Variants in PRRC2A observed in about 807,000 individuals in gnomAD.
PRRC2A encodes protein PRRC2A.
A neutral mutation model predicts 224.6 loss-of-function variants in PRRC2A; 59 were observed. That is an observed-to-expected ratio of 0.26 (90% CI 0.21 to 0.33). PRRC2A has a LOEUF of 0.33. PRRC2A is among the 10% of genes least tolerant of loss of function. The pLI, the probability that PRRC2A is intolerant of heterozygous loss-of-function variation, is 1.00. For synonymous variants in PRRC2A, 1,194 were observed against 1,109.5 expected, an observed-to-expected ratio of 1.08 and a Z score of -1.51; for missense variants, 3,095 against 2,880.7, an observed-to-expected ratio of 1.07 and a Z score of -1.70.
At position 31,625,443 on chromosome 6, in the gene PRRC2A, C is replaced by T; in HGVS notation, c.608-17C>T. 2 of 1,604,678 alleles carry T rather than the reference C, an allele frequency of 1.2e-6. No individual in the cohort carries two copies. The highest frequency in any genetic ancestry group is 1.7e-4 in the Middle Eastern group (1 of 6,036). On this transcript the variant is annotated splice_polypyrimidine_tract_variant and intron_variant, in intron 6 of 30. Transcript: ENST00000376033. This position sits in a 1 kb window ranked among gnomAD's most constrained non-coding sequence, Gnocchi z 4.1. The stretch of plus-strand genomic sequence containing the variant: ...CTCCAATCATTGATACCTCTCTCTA[C>T]CTTTTCCAAAATACAGATTCTACAA...
rs772938081 is a variant in PRRC2A at position 31,634,468 on chromosome 6, C to G, written c.4850-4C>G. ...TCTCTTCTGGTTGGTGCTCCCTTCT[C>G]CAGCCACTAGCCGAAAGAGTTACCG... On this transcript the variant is annotated splice_region_variant and splice_polypyrimidine_tract_variant and intron_variant, in intron 19 of 30. Transcript: ENST00000376033. The G allele has an allele frequency of 3.7e-6, 6 of 1,612,814 alleles. No homozygotes were observed. Among genetic ancestry groups the G allele is most frequent in the African/African-American group, 1.3e-5 (1 of 74,912 alleles).
chr6:31,624,156 T>C, intron 3 of PRRC2A, 105 bp from the exon 4 acceptor site: 1 of 1,230,110 alleles, frequency 8.1e-7, no homozygotes, highest in Admixed American at 2.1e-5. Flanking sequence ...TCCTTATATT[T>C]GTAAATGGTA....
rs149438366 is a variant in PRRC2A at position 31,633,897 on chromosome 6, G to T, written c.4627G>T (p.Val1543Leu). 2.8e-5 allele frequency: 44 copies of T among 1,581,474 alleles called. No homozygotes were observed. In the Middle Eastern group the frequency reaches 1.2e-3, roughly 43 times the overall value. Residue 1543 changes from valine (V) to leucine (L), a missense_variant, in exon 18 of 31, where the codon GTG becomes TTG. Physicochemically the swap from Val to Leu is conservative, Grantham distance 32. This residue lies in a region of PRRC2A where 2,001 missense variants were observed against 1,764.9 expected (regional missense o/e 1.13). Transcript: ENST00000376033. ...GGAGCCGGGGCCAATGGTGAGAGGGGTGGGTGGGACTCCTCGGGACTCTGC... is the reference window on the plus strand; with the variant it reads ...GGAGCCGGGGCCAATGGTGAGAGGGTTGGGTGGGACTCCTCGGGACTCTGC... ...FEEPGPMVRG[V>L]GGTPRDSAGV...
In PRRC2A at chr6:31,635,570, T is replaced by G; in HGVS notation, c.5374-12T>G. On this transcript the variant is annotated splice_polypyrimidine_tract_variant and intron_variant, in intron 23 of 30. Transcript: ENST00000376033. ...GCCAGACATCCCTCTCCACGAGGCCTCTCCTTCCCAGGCCATTCCTGTATC... is the reference window on the plus strand; with the variant it reads ...GCCAGACATCCCTCTCCACGAGGCCGCTCCTTCCCAGGCCATTCCTGTATC... 6.2e-7 allele frequency: 1 copy of G among 1,610,670 alleles called. No homozygotes were observed. Among genetic ancestry groups the G allele is most frequent in the South Asian group, 1.1e-5 (1 of 90,878 alleles).
chr6:31,630,932 T>C, intron 15 of PRRC2A, 131 bp downstream of exon 15: 1 of 1,314,124 alleles, frequency 7.6e-7, no homozygotes, highest in Non-Finnish European at 1.0e-6. Flanking sequence ...GGCTCATGCC[T>C]GTAATCCCAG....
Position 31,625,428 on chromosome 6 carries a change from T to G in PRRC2A, c.608-32T>G, listed in dbSNP as rs1402151351. 1 of 1,609,424 alleles carries G rather than the reference T, an allele frequency of 6.2e-7. No individual in the cohort carries two copies. Among genetic ancestry groups the G allele is most frequent in the Non-Finnish European group, 8.5e-7 (1 of 1,175,958 alleles). On this transcript the variant is annotated intron_variant, in intron 6 of 30. Transcript: ENST00000376033. This position sits in a 1 kb window ranked among gnomAD's most constrained non-coding sequence, Gnocchi z 4.1. ...CTGTGTTCACTTGTCCTCCAATCAT[T>G]GATACCTCTCTCTACCTTTTCCAAA...
rs1775816265 is a variant in PRRC2A at position 31,625,599 on chromosome 6, G to C, written c.747G>C (p.Met249Ile). The C allele has an allele frequency of 1.3e-6, 2 of 1,576,248 alleles. No individual in the cohort carries two copies. The highest frequency in any genetic ancestry group is 1.2e-5 in the South Asian group (1 of 84,666). ...CCCAGTTCCCTCCCTACCGCGGAAT[G>C]ATGCCGCCTTTCGTGAGTCTTGGTG... Reference protein sequence around the residue: ...GPPQFPPYRGMMPPFMYPPYL... With the variant: ...GPPQFPPYRGIMPPFMYPPYL... The change falls in exon 7 of 31, where the codon ATG becomes ATC. Residue 249 changes from methionine (M) to isoleucine (I), a missense_variant. Transcript: ENST00000376033. The surrounding 1 kb of genome is among the most constrained non-coding windows in gnomAD (Gnocchi z 4.1).
chr6:31,628,371 G>GAACACTATCAC, intron 12 of PRRC2A, 132 bp downstream of exon 12: 1 of 1,389,440 alleles, frequency 7.2e-7, no homozygotes, highest in Non-Finnish European at 9.5e-7. Flanking sequence ...ATCAGTGATA[G>GAACACTATCAC]TGTTCTATCA....
At chr6:31,624,097 A>G (rs1775617148) in intron 3 of PRRC2A, among the ~76,000 whole-genome samples, 164 bp from the exon 4 acceptor site, 1 of 152,198 alleles carries the variant, frequency 6.6e-6, no homozygotes, top group Non-Finnish European at 1.5e-5. Flanking sequence ...TTGGAGAGAG[A>G]GCATGAAAAA....
intron 3 of PRRC2A, 39 bp from the exon 4 acceptor site, chr6:31,624,222 A>G (rs1775631918): frequency 6.4e-6 from 10 of 1,573,422 alleles, no homozygotes; most frequent in South Asian, 1.1e-5. Flanking sequence ...TCAGGGAGGC[A>G]TCTCAGGTGT....
intron 20 of PRRC2A, 89 bp downstream of exon 20, chr6:31,634,646 G>C (rs955756923): frequency 6.3e-6 from 10 of 1,577,028 alleles, no homozygotes; most frequent in Admixed American, 3.3e-5. Context: ...GTCTGGAGCT[G>C]TTCTCTCACT....
Position 31,626,887 on chromosome 6 carries a change from A to C in PRRC2A, c.1073+25A>C, listed in dbSNP as rs185300331. ...AGTGAGTTAGGGCCATCAGGGGAGA[A>C]GAGGAGGGGGTCTTGGTTTGTATTT... is the stretch of plus-strand genomic sequence containing the variant. On this transcript the variant is annotated intron_variant, in intron 10 of 30. Transcript: ENST00000376033. The C allele has an allele frequency of 9.2e-5, 149 of 1,612,706 alleles. No homozygotes were observed. In the Admixed American group the frequency reaches 2.4e-3, roughly 26 times the overall value.
intron 16 of PRRC2A, among the ~76,000 whole-genome samples, 177 bp downstream of exon 16, chr6:31,633,169 T>TA (rs1342688527): frequency 3.9e-5 from 6 of 152,298 alleles, no homozygotes; most frequent in Admixed American, 2.6e-4. Context: ...GGTAGGGTGT[T>TA]AGAGTCAAGA....
rs1776986549 is a variant in PRRC2A, at chr6:31,633,845, T to TTTCTC, written c.4589-11_4589-7dup. ...CAGAGCCAGGCAGATGCTGACCCTTTTTCTCTTTCCCAGACCCCCACTTTG... is the reference window on the plus strand; with the variant it reads ...CAGAGCCAGGCAGATGCTGACCCTTTTTCTCTTCTCTTTCCCAGACCCCCACTTTG... On this transcript the variant is annotated splice_polypyrimidine_tract_variant and intron_variant, in intron 17 of 30. Coordinates refer to ENST00000376033, the MANE Select transcript of PRRC2A (RefSeq NM_004638.4). 1.3e-6 allele frequency: 2 copies of TTTCTC among 1,572,856 alleles called. No individual in the cohort carries two copies. Among genetic ancestry groups the TTTCTC allele is most frequent in the Non-Finnish European group, 1.7e-6 (2 of 1,168,226 alleles).
Position 31,623,747 on chromosome 6 carries a change from G to T in PRRC2A, c.128G>T (p.Gly43Val). The change falls in exon 3 of 31, where the codon GGC becomes GTC. Residue 43 changes from glycine (G) to valine (V), a missense_variant. Gly to Val is a moderately radical substitution (Grantham distance 109). Coordinates refer to ENST00000376033, the MANE Select transcript of PRRC2A (RefSeq NM_004638.4). ...TGTTCTCCAGTTGCCCCTCGCCATG[G>T]CCTGCAGAGTCTCGGGAAAGTTGCC... is the stretch of plus-strand genomic sequence containing the variant. ...IQKPAVAPRH[G>V]LQSLGKVAIA... The T allele has an allele frequency of 1.2e-6, 2 of 1,614,186 alleles. No individual in the cohort carries two copies. The highest frequency in any genetic ancestry group is 1.7e-6 in the Non-Finnish European group (2 of 1,180,014).
At chr6:31,635,491 A>G (rs1777228729) in intron 23 of PRRC2A, 26 bp downstream of exon 23, 1 of 1,613,152 alleles carries the variant, frequency 6.2e-7, no homozygotes. Flanking sequence ...AGTTTGGTGG[A>G]AAGGCCCAAG....
At position 31,636,564 on chromosome 6, in the gene PRRC2A, G is replaced by T. The variant is rs752402861; in HGVS notation, c.5890G>T (p.Gly1964Cys). The change falls in exon 27 of 31, where the codon GGT (glycine) becomes TGT (cysteine). Residue 1964 changes from glycine (G) to cysteine (C), a missense_variant. Around this residue, in one of 8 missense-constraint regions of PRRC2A, gnomAD observed 662 missense variants for 609.5 expected, o/e 1.09. Transcript: ENST00000376033. The surrounding 1 kb of genome is among the most constrained non-coding windows in gnomAD (Gnocchi z 4.3). ...SDFYSTPLQPGGQSGFLPSGA... is the reference protein window; with the variant it reads ...SDFYSTPLQPCGQSGFLPSGA... ...TTTTTATTCTACTCCTCTGCAGCCT[G>T]GTGGCCAAAGTGGCTTTCTCCCTTC... 2 of 1,608,326 alleles carry T rather than the reference G, an allele frequency of 1.2e-6. No individual in the cohort carries two copies. Among genetic ancestry groups the T allele is most frequent in the African/African-American group, 1.3e-5 (1 of 74,660 alleles).
intron 1 of PRRC2A, among the ~76,000 whole-genome samples, chr6:31,621,253 C>T (rs895593523): frequency 8.5e-5 from 13 of 152,056 alleles, no homozygotes; most frequent in Non-Finnish European, 1.0e-4. Context: ...GGGCGCTTTT[C>T]CTCCATATTG....
rs1775661818 is a variant in PRRC2A at position 31,624,433 on chromosome 6, TC to T, written c.391-16del. The T allele has an allele frequency of 3.7e-6, 6 of 1,612,194 alleles. No individual in the cohort carries two copies. Among genetic ancestry groups the T allele is most frequent in the Non-Finnish European group, 4.2e-6 (5 of 1,178,228 alleles). On this transcript the variant is annotated splice_polypyrimidine_tract_variant and intron_variant, in intron 4 of 30. Coordinates refer to ENST00000376033, the MANE Select transcript of PRRC2A (RefSeq NM_004638.4). ...CCCCACCCACATCATTTATCATCTT[TC>T]TGAACACTTCCCCAGAACACTCCTT... is the stretch of plus-strand genomic sequence containing the variant.
Sources: allele counts gnomAD v4.1 joint callset (sites outside exome capture counted in the v4.1 genomes callset), GRCh38; gene constraint gnomAD v4.1.1; regional missense constraint gnomAD v4.1.1; non-coding constraint Gnocchi (gnomAD v3.1); transcripts MANE v1.5; gene names NCBI Gene and HGNC (gene_info 2026-07-23, HGNC 2026-07-21).